VRK2: variants seen among roughly 807,000 people sequenced by gnomAD.
The protein encoded by VRK2 is VRK serine/threonine kinase 2, also known as serine/threonine-protein kinase VRK2.
In VRK2, 60 loss-of-function variants were observed where a neutral mutation model predicts 57.6. That is an observed-to-expected ratio of 1.04 (90% CI 0.85 to 1.29). The LOEUF is 1.29. Among genes scored for constraint, VRK2 ranks in the 50% most tolerant of loss-of-function variants. The pLI, the probability that VRK2 is intolerant of heterozygous loss-of-function variation, is 0.00. For missense variants in VRK2, 705 were observed against 588.1 expected, an observed-to-expected ratio of 1.20 and a Z score of -2.06; for synonymous variants, 231 against 199.2, an observed-to-expected ratio of 1.16 and a Z score of -1.35.
At chr2:58,062,399 AAG>A (rs1483645541) in intron 2 of VRK2, among the ~76,000 whole-genome samples, 1 of 152,098 alleles carries the variant, frequency 6.6e-6, no homozygotes, top group African/African-American at 2.4e-5. Flanking sequence ...AAGTGAAAGA[AAG>A]AGTTATGCAT....
intron 1 of VRK2, among the ~76,000 whole-genome samples, chr2:57,964,730 A>G (rs982116292): frequency 6.6e-6 from 1 of 152,052 alleles, no homozygotes; most frequent in African/African-American, 2.4e-5. Flanking sequence ...TACTAAAAAT[A>G]CAAAAATTAG....
At chr2:58,068,288 A>T (rs569304480) in intron 2 of VRK2, among the ~76,000 whole-genome samples, 2 of 152,024 alleles carry the variant, frequency 1.3e-5, no homozygotes, top group South Asian at 4.2e-4. Context: ...AGTTTTCTTC[A>T]CCTGAGAATG....
At chr2:58,132,776 C>T (rs900496581) in intron 9 of VRK2, among the ~76,000 whole-genome samples, 2 of 152,142 alleles carry the variant, frequency 1.3e-5, no homozygotes, top group African/African-American at 4.8e-5. Flanking sequence ...GTTCTTAATA[C>T]TGAGAAAGAT....
At chr2:58,135,232 C>G (rs370240741) in intron 10 of VRK2, 33 bp downstream of exon 10, 24 of 1,611,736 alleles carry the variant, frequency 1.5e-5, no homozygotes, top group East Asian at 6.7e-5. Flanking sequence ...CCTTCTCTTA[C>G]GATTTACAGG....
intron 8 of VRK2, 73 bp downstream of exon 8, chr2:58,123,306 G>A: frequency 6.5e-7 from 1 of 1,533,798 alleles, no homozygotes; most frequent in Non-Finnish European, 8.7e-7. Context: ...GAGGCTGCAT[G>A]AAATGACCTT....
chr2:57,971,299 T>C (rs1405988895), intron 1 of VRK2, among the ~76,000 whole-genome samples: 1 of 152,030 alleles, frequency 6.6e-6, no homozygotes, highest in Non-Finnish European at 1.5e-5. Context: ...AAATGTTGTA[T>C]ACCATTGAGG....
intron 1 of VRK2, among the ~76,000 whole-genome samples, chr2:57,946,174 T>C (rs1671256307): frequency 6.6e-6 from 1 of 152,084 alleles, no homozygotes; most frequent in South Asian, 2.1e-4. Flanking sequence ...TTGATTACAA[T>C]ATGTATCACT....
chr2:58,120,967 G>A (rs1237183524), intron 7 of VRK2, among the ~76,000 whole-genome samples: 2 of 152,142 alleles, frequency 1.3e-5, no homozygotes, highest in Non-Finnish European at 2.9e-5. Context: ...TATTGCACTC[G>A]CCTCTCTCCT....
At chr2:58,016,968 C>T (rs1034265564) in intron 1 of VRK2, among the ~76,000 whole-genome samples, 3 of 152,068 alleles carry the variant, frequency 2.0e-5, no homozygotes, top group Non-Finnish European at 4.4e-5. Context: ...ATGAGAACAA[C>T]AAGAAATTAT....
At chr2:57,920,017 A>G (rs2103903688) in intron 1 of VRK2, among the ~76,000 whole-genome samples, 1 of 152,272 alleles carries the variant, frequency 6.6e-6, no homozygotes, top group Non-Finnish European at 1.5e-5. Context: ...ATGATAATTT[A>G]TGATAAACTC....
chr2:58,138,211 A>AAAT (rs1379053925), intron 10 of VRK2, among the ~76,000 whole-genome samples: 15 of 152,318 alleles, frequency 9.8e-5, no homozygotes, highest in African/African-American at 3.6e-4. Context: ...ATTTATATTA[A>AAAT]AATAGTAGTG....
At chr2:58,076,931 A>G (rs925466721) in intron 2 of VRK2, among the ~76,000 whole-genome samples, 7 of 152,036 alleles carry the variant, frequency 4.6e-5, no homozygotes, top group Non-Finnish European at 7.4e-5. Context: ...CTAAATGGTG[A>G]TATATTATAA....
At chr2:57,936,674 T>G (rs1242156866) in intron 1 of VRK2, among the ~76,000 whole-genome samples, 1 of 152,124 alleles carries the variant, frequency 6.6e-6, no homozygotes, top group African/African-American at 2.4e-5. Flanking sequence ...TTGTATTTAT[T>G]AATTTCTATA....
Position 57,959,776 on chromosome 2 carries a change from T to C in VRK2, c.-439+51937T>C, listed in dbSNP as rs553676263. Among the ~76,000 whole-genome samples, 4 of 152,292 alleles carry C rather than the reference T, an allele frequency of 2.6e-5. No homozygotes were observed. In the South Asian group the frequency reaches 6.2e-4, roughly 24 times the overall value. ...TGGTGAACTGATAGGAGAGATACTG[T>C]AGCTGGCAGCGCTGAATTCCCATTT... is the stretch of plus-strand genomic sequence containing the variant. On this transcript the variant is annotated intron_variant, in intron 1 of 15. Coordinates refer to the VRK2 transcript ENST00000417641.
intron 12 of VRK2, among the ~76,000 whole-genome samples, chr2:58,148,943 T>C (rs1682572138): frequency 6.6e-6 from 1 of 151,852 alleles, no homozygotes; most frequent in South Asian, 2.1e-4. Flanking sequence ...TTAATCCTTT[T>C]ATTTTCTTTC....
chr2:58,126,124 TG>T (rs1305391151), intron 8 of VRK2, among the ~76,000 whole-genome samples: 1 of 151,342 alleles, frequency 6.6e-6, no homozygotes, highest in African/African-American at 2.4e-5. Flanking sequence ...GGAAAAATAG[TG>T]CAAAATAAAG....
chr2:58,156,201 A>G (rs1683815589), intron 12 of VRK2, among the ~76,000 whole-genome samples: 1 of 152,180 alleles, frequency 6.6e-6, no homozygotes, highest in Non-Finnish European at 1.5e-5. Flanking sequence ...AGAACTTTAA[A>G]AAGGATGTTT....
At chr2:58,121,859 C>G (rs1677563378) in intron 7 of VRK2, among the ~76,000 whole-genome samples, 1 of 152,192 alleles carries the variant, frequency 6.6e-6, no homozygotes, top group Non-Finnish European at 1.5e-5. Context: ...ATGGTAACCA[C>G]AGTTGGGAAC....
At chr2:58,119,592 T>C (rs566593586) in intron 7 of VRK2, among the ~76,000 whole-genome samples, 29 of 151,704 alleles carry the variant, frequency 1.9e-4, no homozygotes, top group Non-Finnish European at 3.5e-4. Flanking sequence ...CGGGACAGAT[T>C]AGTGACTTGA....
Sources: gnomAD v4.1 joint callset for allele counts (sites outside exome capture counted in the v4.1 genomes callset) on GRCh38, gnomAD v4.1.1 for gene constraint, MANE v1.5 for transcripts, NCBI Gene and HGNC (gene_info 2026-07-23, HGNC 2026-07-21) for gene names.